Variants in CLEC10A observed in about 807,000 individuals in gnomAD.
The protein encoded by CLEC10A is C-type lectin domain containing 10A, also known as C-type lectin domain family 10 member A.
In CLEC10A, 38 loss-of-function variants were observed where a neutral mutation model predicts 42.0. The ratio of observed to expected loss-of-function variants is 0.90; its 90% confidence interval spans 0.70 to 1.18. CLEC10A has a LOEUF of 1.18. CLEC10A is among the 50% of genes most tolerant of loss of function. CLEC10A has a pLI of 0.00. For synonymous variants in CLEC10A, 126 were observed against 139.9 expected (o/e 0.90, Z 0.70); for missense variants, 298 against 345.9 (o/e 0.86, Z 1.10).
chr17:7,078,326 G>A (rs1911977780), intron 2 of CLEC10A, among the ~76,000 whole-genome samples: 1 of 152,086 alleles, frequency 6.6e-6, no homozygotes, highest in Non-Finnish European at 1.5e-5. Context: ...ACACCCCTGG[G>A]GACCCACGTG....
chr17:7,075,255 G>A, intron 8 of CLEC10A, 33 bp from the exon 9 acceptor site: 1 of 1,513,476 alleles, frequency 6.6e-7, no homozygotes, highest in Middle Eastern at 1.8e-4. Context: ...AGCTAGGAAG[G>A]GTAGATGGAG....
Position 7,076,803 on chromosome 17 carries a change from G to A in CLEC10A, c.282C>T (p.Gly94=). ...VAEIQALTSQ[G]SSLEETIASL... is the part of the protein sequence containing the mutation. ...ATGCTATCGTTTCTTCCAAGCTGCTGCCTGGAGGACACGGAGACTTGGCTT... is the reference window on the plus strand; with the variant it reads ...ATGCTATCGTTTCTTCCAAGCTGCTACCTGGAGGACACGGAGACTTGGCTT... The change falls in exon 5 of 9, where the codon GGC becomes GGT. Residue 94 remains glycine (G), a splice_region_variant and synonymous_variant. Coordinates refer to ENST00000416562, the MANE Select transcript of CLEC10A (RefSeq NM_001330070.2). 1 of 1,613,902 alleles carries A rather than the reference G, an allele frequency of 6.2e-7. No homozygotes were observed. The highest frequency in any genetic ancestry group is 1.1e-5 in the South Asian group (1 of 91,068).
intron 5 of CLEC10A, 134 bp downstream of exon 5, chr17:7,076,599 A>G (rs1372297388): frequency 9.8e-7 from 1 of 1,015,572 alleles, no homozygotes; most frequent in Non-Finnish European, 1.5e-6. Flanking sequence ...GGCGTGAACC[A>G]CTGCGCCCGG....
chr17:7,078,194 G>A (rs1911970277), intron 2 of CLEC10A, 81 bp from the exon 3 acceptor site: 1 of 1,081,504 alleles, frequency 9.2e-7, no homozygotes, highest in Admixed American at 2.0e-5. Context: ...GAGCTGTCTA[G>A]TGAGGAGGGC....
At chr17:7,079,921 T>A (rs1401752094) in intron 1 of CLEC10A, 131 bp downstream of exon 1, 2 of 151,960 alleles carry the variant, frequency 1.3e-5, no homozygotes, top group South Asian at 2.1e-4. Context: ...CTCCACGTAG[T>A]AATTAAACCC....
Position 7,078,136 on chromosome 17 carries a change from G to C in CLEC10A, c.68-23C>G, listed in dbSNP as rs1911964649. The C allele has an allele frequency of 2.6e-6, 4 of 1,566,000 alleles. No individual in the cohort carries two copies. The South Asian group carries it at 4.4e-5, about 17-fold the overall frequency. On this transcript the variant is annotated intron_variant, in intron 2 of 8. Coordinates refer to ENST00000416562, the MANE Select transcript of CLEC10A (RefSeq NM_001330070.2). Reference sequence around the variant, plus strand: ...GCCCTGCAAGAGGAGAGAGTGTCAGGATGAGGAGGGTCCAGACACCGGAGA... The same window carrying C: ...GCCCTGCAAGAGGAGAGAGTGTCAGCATGAGGAGGGTCCAGACACCGGAGA...
chr17:7,075,606 C>T (rs755711960), intron 7 of CLEC10A, 125 bp downstream of exon 7: 4 of 1,490,682 alleles, frequency 2.7e-6, no homozygotes, highest in Non-Finnish European at 3.7e-6. Context: ...TATTAAATCT[C>T]TGAGGGTGTG....
At chr17:7,076,210 T>C (rs564512277) in intron 5 of CLEC10A, 139 bp from the exon 6 acceptor site, 2 of 1,479,894 alleles carry the variant, frequency 1.4e-6, no homozygotes, top group East Asian at 2.5e-5. Context: ...CCCTACATCA[T>C]GGCCAGGTAC....
Position 7,075,056 on chromosome 17 carries a change from A to G in CLEC10A, c.868T>C (p.Ter290ArgextTer55), listed in dbSNP as rs1236292305. The G allele has an allele frequency of 5.1e-6, 8 of 1,559,394 alleles. No individual in the cohort carries two copies. Among genetic ancestry groups the G allele is most frequent in the Non-Finnish European group, 6.0e-6 (7 of 1,160,182 alleles). Reference protein sequence around the residue: ...GLGQTSQESH* With the variant: ...GLGQTSQESHR ...CGGGTGGTCCCACCAAAGGCAGCTC[A>G]GTGACTCTCCTGGCTGGTCTGACCC... The change falls in exon 9 of 9, where the codon TGA becomes CGA. Residue 290 changes from the stop codon to arginine, a stop_lost. Transcript: ENST00000416562.
chr17:7,076,312 T>A (rs1323930140), intron 5 of CLEC10A, among the ~76,000 whole-genome samples: 1 of 144,884 alleles, frequency 6.9e-6, no homozygotes, highest in African/African-American at 2.5e-5. Flanking sequence ...TCTTTCTTTT[T>A]TTTTTTTTTT....
At chr17:7,079,670 C>G (rs1260195135) in intron 1 of CLEC10A, among the ~76,000 whole-genome samples, 1 of 152,090 alleles carries the variant, frequency 6.6e-6, no homozygotes, top group Non-Finnish European at 1.5e-5. Context: ...AAATGGGCCA[C>G]CAATGAGGCT....
At chr17:7,077,951 C>T (rs1567746308) in intron 3 of CLEC10A, 46 bp downstream of exon 3, 2 of 1,431,248 alleles carry the variant, frequency 1.4e-6, no homozygotes, top group East Asian at 2.3e-5. Flanking sequence ...TATTTATCTT[C>T]TACCCCATTA....
chr17:7,078,202 G>A, intron 2 of CLEC10A, 89 bp from the exon 3 acceptor site: 2 of 981,886 alleles, frequency 2.0e-6, no homozygotes, highest in South Asian at 2.9e-5. Context: ...TAGTGAGGAG[G>A]GCTGGGCACA....
rs1217761251 is a variant in CLEC10A, at chr17:7,078,903, G to C, written c.-73-18C>G. ...GGGTGGAGCTGGGGAATAGGAGGTT[G>C]GGACTAAGTTGGAGCCAAGGGCAGG... On this transcript the variant is annotated intron_variant, in intron 1 of 8. Transcript: ENST00000416562. 2 of 1,248,982 alleles carry C rather than the reference G, an allele frequency of 1.6e-6. No individual in the cohort carries two copies. The highest frequency in any genetic ancestry group is 3.0e-5 in the African/African-American group (2 of 67,510). The allele number at this position is 1,248,982 out of a possible 1,614,324, so 77.4% of individuals were successfully genotyped here. A position where few individuals can be genotyped will look rare whatever the true frequency, so the allele number is the denominator to read the frequency against.
chr17:7,079,610 G>A (rs1009205927), intron 1 of CLEC10A, among the ~76,000 whole-genome samples: 1 of 152,104 alleles, frequency 6.6e-6, no homozygotes. Flanking sequence ...AGAAGCTGGG[G>A]TTAGTATTGG....
At chr17:7,079,191 T>C (rs1912038055) in intron 1 of CLEC10A, among the ~76,000 whole-genome samples, 1 of 151,984 alleles carries the variant, frequency 6.6e-6, no homozygotes, top group African/African-American at 2.4e-5. Flanking sequence ...TTAACTTTGG[T>C]GGTGAATTTG....
chr17:7,076,264 G>C, intron 5 of CLEC10A, 193 bp from the exon 6 acceptor site: 1 of 891,444 alleles, frequency 1.1e-6, no homozygotes. Flanking sequence ...TGTTTCTCCA[G>C]CCTGCTCTCC....
At chr17:7,076,700 G>GC in intron 5 of CLEC10A, 33 bp downstream of exon 5, 1 of 1,608,270 alleles carries the variant, frequency 6.2e-7, no homozygotes, top group African/African-American at 1.3e-5. Flanking sequence ...TGAGCGCCTA[G>GC]CCCCCCACAC....
Position 7,076,004 on chromosome 17 carries a change from C to T in CLEC10A, c.420G>A (p.Val140=). 2 of 1,614,212 alleles carry T rather than the reference C, an allele frequency of 1.2e-6. No homozygotes were observed. The highest frequency in any genetic ancestry group is 1.1e-5 in the South Asian group (1 of 91,086). ...CCTCACCATTGTTGTTGAGAGTAGC[C>T]ACCTGGCAGGTCAGTTTCTTCAGGT... ...VQDLKKLTCQ[V]ATLNNNASTE... is the part of the protein sequence containing the mutation. The change falls in exon 6 of 9, where the codon GTG becomes GTA. Residue 140 remains valine, a synonymous_variant. Transcript: ENST00000416562.
Sources: allele counts gnomAD v4.1 joint callset (sites outside exome capture counted in the v4.1 genomes callset), GRCh38; gene constraint gnomAD v4.1.1; transcripts MANE v1.5; gene names NCBI Gene and HGNC (gene_info 2026-07-23, HGNC 2026-07-21).